TEX11: variants seen among roughly 807,000 people sequenced by gnomAD.
TEX11 encodes the protein testis-expressed protein 11.
A neutral mutation model predicts 84.4 loss-of-function variants in TEX11; 7 were observed. The observed-to-expected ratio is 0.08, with a 90% CI of 0.05 to 0.16. The LOEUF is 0.16. Ranked by LOEUF, TEX11 falls within the 10% of genes least tolerant of loss-of-function variation. The pLI, the probability that TEX11 is intolerant of heterozygous loss-of-function variation, is 1.00. For synonymous variants in TEX11, 264 were observed against 222.8 expected (o/e 1.18, Z -1.64); for missense variants, 551 against 660.5 (o/e 0.83, Z 1.82).
chrX:70,885,830 G>T (rs1039138196), intron 2 of TEX11, among the ~76,000 whole-genome samples: 2 of 102,333 alleles, frequency 2.0e-5, no homozygotes, highest in Non-Finnish European at 3.9e-5. Flanking sequence ...GACAGAGGTT[G>T]CAGTGAGCCA....
At chrX:70,845,844 T>C (rs185790287) in intron 7 of TEX11, among the ~76,000 whole-genome samples, 10 of 110,740 alleles carry the variant, frequency 9.0e-5, no homozygotes, top group Non-Finnish European at 7.6e-5. Context: ...ACACACAAAA[T>C]AGTTAATTCG....
chrX:70,872,828 C>G (rs1305778771), intron 4 of TEX11, among the ~76,000 whole-genome samples: 1 of 111,961 alleles, frequency 8.9e-6, no homozygotes, highest in Non-Finnish European at 1.9e-5. Context: ...TATGGCAACA[C>G]TTATTCTATT....
chrX:70,803,837 T>C (rs775421715), intron 9 of TEX11, among the ~76,000 whole-genome samples: 13 of 111,620 alleles, frequency 1.2e-4, no homozygotes, highest in Non-Finnish European at 2.4e-4. Flanking sequence ...CATGTGGATA[T>C]AAAGCATGAA....
At chrX:70,530,109 C>T in intron 28 of TEX11, 110 bp from the exon 29 acceptor site, 1 of 702,396 alleles carries the variant, frequency 1.4e-6, no homozygotes, top group Non-Finnish European at 2.1e-6. Flanking sequence ...AGGAGCTCTG[C>T]TGATGTTTAG....
At chrX:70,545,213 A>AAAAAC (rs2088106262) in intron 28 of TEX11, among the ~76,000 whole-genome samples, 2 of 112,244 alleles carry the variant, frequency 1.8e-5, no homozygotes, top group Non-Finnish European at 3.8e-5. Context: ...TCAAAAAAAC[A>AAAAAC]AAAACAAAAC....
chrX:70,641,272 T>C (rs1316000735), intron 17 of TEX11, among the ~76,000 whole-genome samples: 2 of 111,163 alleles, frequency 1.8e-5, no homozygotes, highest in African/African-American at 3.3e-5. Flanking sequence ...ATAAAGCAAG[T>C]CCTGAGTGAC....
chrX:70,780,922 A>C (rs112892157), intron 9 of TEX11, among the ~76,000 whole-genome samples: 11,408 of 112,184 alleles, frequency 0.1, 784 homozygotes, highest in Admixed American at 0.29. Flanking sequence ...CACACTTAAA[A>C]GTCCCTGTCT....
At chrX:70,627,002 C>G (rs139807586) in intron 18 of TEX11, among the ~76,000 whole-genome samples, 157 of 112,199 alleles carry the variant, frequency 1.4e-3, no homozygotes, top group Non-Finnish European at 2.4e-3. Flanking sequence ...TGGAAGCCAA[C>G]TGTGTTTCAA....
At chrX:70,568,739 T>A (rs2088536447) in intron 25 of TEX11, among the ~76,000 whole-genome samples, 1 of 111,834 alleles carries the variant, frequency 8.9e-6, no homozygotes, top group South Asian at 3.8e-4. Flanking sequence ...TGGCCCCCAC[T>A]CTCTTCTGGC....
At chrX:70,529,250 G>C in intron 29 of TEX11, 63 bp from the exon 30 acceptor site, 1 of 850,405 alleles carries the variant, frequency 1.2e-6, no homozygotes, top group Non-Finnish European at 1.7e-6. Context: ...AAGCTTCCCA[G>C]ACCCACGGTG....
intron 10 of TEX11, among the ~76,000 whole-genome samples, chrX:70,741,304 G>A (rs2090732317): frequency 9.0e-6 from 1 of 111,678 alleles, no homozygotes; most frequent in African/African-American, 3.2e-5. Flanking sequence ...ATCTCACAAT[G>A]TATGTTTTAA....
chrX:70,610,464 G>A, intron 21 of TEX11, 39 bp downstream of exon 21: 3 of 1,159,286 alleles, frequency 2.6e-6, no homozygotes, highest in Non-Finnish European at 3.5e-6. Context: ...GAGAATAGAG[G>A]CAAGATGAAG....
chrX:70,570,216 C>T (rs993786415), intron 25 of TEX11, among the ~76,000 whole-genome samples: 2 of 112,145 alleles, frequency 1.8e-5, no homozygotes, highest in Non-Finnish European at 3.8e-5. Context: ...GAGCCAGGTG[C>T]GGGATATAAT....
intron 9 of TEX11, among the ~76,000 whole-genome samples, chrX:70,750,034 G>A: frequency 9.0e-6 from 1 of 110,751 alleles, no homozygotes; most frequent in East Asian, 2.8e-4. Flanking sequence ...ATGACAAAGG[G>A]CTAATATCCA....
chrX:70,610,686 C>G, intron 20 of TEX11, 143 bp from the exon 21 acceptor site: 1 of 510,481 alleles, frequency 2.0e-6, no homozygotes. Context: ...TCCAATCTAC[C>G]ATTTCAACAA....
intron 13 of TEX11, among the ~76,000 whole-genome samples, chrX:70,710,697 A>C: frequency 9.0e-6 from 1 of 110,881 alleles, no homozygotes; most frequent in East Asian, 2.8e-4. Flanking sequence ...GCATCTTAAC[A>C]TGATCTTCAG....
intron 9 of TEX11, among the ~76,000 whole-genome samples, chrX:70,756,296 G>A (rs2090867402): frequency 8.9e-6 from 1 of 112,164 alleles, no homozygotes; most frequent in South Asian, 3.7e-4. Context: ...TTCAGAGAAC[G>A]GGCAGACTGC....
chrX:70,791,106 T>A (rs2091115423), intron 9 of TEX11, among the ~76,000 whole-genome samples: 1 of 111,333 alleles, frequency 9.0e-6, no homozygotes, highest in South Asian at 3.8e-4. Context: ...GAAACCATCA[T>A]CTGCTATCTT....
At chrX:70,787,266 C>T (rs1179747749) in intron 9 of TEX11, among the ~76,000 whole-genome samples, 1 of 112,382 alleles carries the variant, frequency 8.9e-6, no homozygotes, top group Non-Finnish European at 1.9e-5. Context: ...TAACATTATA[C>T]TCAACAGTAA....
Sources: allele counts gnomAD v4.1 joint callset (sites outside exome capture counted in the v4.1 genomes callset), GRCh38; gene constraint gnomAD v4.1.1; transcripts MANE v1.5; gene names NCBI Gene and HGNC (gene_info 2026-07-23, HGNC 2026-07-21).